The following ZKSCAN5 variants were observed in gnomAD, a reference collection of about 807,000 sequenced individuals.
ZKSCAN5 encodes zinc finger with KRAB and SCAN domains 5, also known as zinc finger protein with KRAB and SCAN domains 5.
ZKSCAN5 carries 28 observed loss-of-function variants against 60.0 expected under a neutral mutation model. The observed-to-expected ratio is 0.47, with a 90% confidence interval of 0.35 to 0.64. ZKSCAN5 has a LOEUF of 0.64. ZKSCAN5 is among the 30% of genes least tolerant of loss of function. ZKSCAN5 has a pLI of 0.01. For synonymous variants in ZKSCAN5, 361 were observed against 371.2 expected (o/e 0.97, Z 0.31); for missense variants, 881 against 1,034.6 (o/e 0.85, Z 2.04).
intron 3 of ZKSCAN5, among the ~76,000 whole-genome samples, chr7:99,514,592 C>T (rs973095241): frequency 4.0e-5 from 6 of 149,730 alleles, no homozygotes; most frequent in African/African-American, 1.2e-4. Flanking sequence ...GGCAATGTGG[C>T]GAAAACTCAC....
chr7:99,511,339 T>A (rs1190207361), intron 2 of ZKSCAN5, among the ~76,000 whole-genome samples: 3 of 152,162 alleles, frequency 2.0e-5, no homozygotes, highest in Non-Finnish European at 2.9e-5. Flanking sequence ...TGATGACCAT[T>A]CCAATCTCCC....
Position 99,506,117 on chromosome 7 carries a change from C to G in ZKSCAN5, c.73C>G (p.Leu25Val). ...TGAGACTTCCCAGGAGCAGGAAGAC[C>G]TTTTCATAGTGAAGGTGGAAGAAGA... is the stretch of plus-strand genomic sequence containing the variant. ...PAETSQEQEDLFIVKVEEEDC... is the reference protein window; with the variant it reads ...PAETSQEQEDVFIVKVEEEDC... The change falls in exon 2 of 7, where the codon CTT (leucine) becomes GTT (valine). Residue 25 changes from leucine (L) to valine (V), a missense_variant. This residue lies in a region of ZKSCAN5 where 88 missense variants were observed against 65.2 expected (regional missense o/e 1.35). Coordinates refer to ENST00000326775, the MANE Select transcript of ZKSCAN5 (RefSeq NM_145102.4). 6.2e-7 allele frequency: 1 copy of G among 1,614,146 alleles called. No homozygotes were observed. Among genetic ancestry groups the G allele is most frequent in the Non-Finnish European group, 8.5e-7 (1 of 1,180,024 alleles).
In ZKSCAN5 at chr7:99,532,174, C is replaced by G. The variant is rs756429028; in HGVS notation, c.2445C>G (p.Ser815Arg). 10 of 1,613,466 alleles carry G rather than the reference C, an allele frequency of 6.2e-6. No homozygotes were observed. In the Admixed American group the frequency reaches 1.2e-4, roughly 19 times the overall value. ...ECGMNFSWSC[S>R]LFKHLRSHER... is the part of the protein sequence containing the mutation. ...GAATGAATTTCAGCTGGAGTTGTAGCCTCTTTAAACACCTGAGAAGCCATG... is the reference window on the plus strand; with the variant it reads ...GAATGAATTTCAGCTGGAGTTGTAGGCTCTTTAAACACCTGAGAAGCCATG... Residue 815 changes from serine to arginine, a missense_variant, in exon 7 of 7, where the codon AGC becomes AGG. Transcript: ENST00000326775.
chr7:99,524,494 G>A (rs1338833680), intron 5 of ZKSCAN5, among the ~76,000 whole-genome samples: 1 of 152,188 alleles, frequency 6.6e-6, no homozygotes, highest in Non-Finnish European at 1.5e-5. Context: ...TTACAGGCAT[G>A]AGCCACTGTG....
At chr7:99,505,964 C>T (rs978566335) in intron 1 of ZKSCAN5, 41 bp from the exon 2 acceptor site, 12 of 1,509,114 alleles carry the variant, frequency 8.0e-6, no homozygotes, top group African/African-American at 7.0e-5. Context: ...CTGAAAGTGT[C>T]CTTCAGAAGA....
rs373547858 is a variant in ZKSCAN5 at position 99,528,323 on chromosome 7, G to A, written c.1378+1905G>A. The stretch of plus-strand genomic sequence containing the variant: ...GCGCTTTGGACTTGAAAAAGCAATC[G>A]CTTTAAAATAGTTATCTTTTGTTTT... On this transcript the variant is annotated intron_variant, in intron 6 of 6. Transcript: ENST00000326775. Among the ~76,000 whole-genome samples the A allele has an allele frequency of 5.9e-5, 9 of 151,976 alleles. No homozygotes were observed. In the East Asian group the frequency reaches 7.7e-4, roughly 13 times the overall value.
intron 6 of ZKSCAN5, 24 bp from the exon 7 acceptor site, chr7:99,531,084 T>C (rs1275540739): frequency 6.4e-7 from 1 of 1,554,420 alleles, no homozygotes; most frequent in African/African-American, 1.4e-5. Flanking sequence ...GATGACATTT[T>C]CACTTGCTCT....
At chr7:99,512,901 T>C (rs1289205413) in intron 3 of ZKSCAN5, among the ~76,000 whole-genome samples, 1 of 151,798 alleles carries the variant, frequency 6.6e-6, no homozygotes, top group Non-Finnish European at 1.5e-5. Flanking sequence ...TATGTATACA[T>C]GTGCCATGCT....
At chr7:99,521,596 T>A (rs569738640) in intron 5 of ZKSCAN5, among the ~76,000 whole-genome samples, 1 of 152,246 alleles carries the variant, frequency 6.6e-6, no homozygotes, top group Non-Finnish European at 1.5e-5. Context: ...TACAGCTGAC[T>A]CTGCTCTTTT....
intron 3 of ZKSCAN5, among the ~76,000 whole-genome samples, chr7:99,513,171 G>T (rs1801119401): frequency 6.6e-6 from 1 of 151,856 alleles, no homozygotes; most frequent in Non-Finnish European, 1.5e-5. Flanking sequence ...CATTTTTTAT[G>T]GCTGCACAGT....
At chr7:99,511,414 T>G (rs1801019526) in intron 2 of ZKSCAN5, among the ~76,000 whole-genome samples, 1 of 152,114 alleles carries the variant, frequency 6.6e-6, no homozygotes, top group Non-Finnish European at 1.5e-5. Flanking sequence ...CTAGACATCC[T>G]CTTTCTGCCT....
intron 2 of ZKSCAN5, among the ~76,000 whole-genome samples, chr7:99,507,169 C>T (rs1800774430): frequency 6.6e-6 from 1 of 152,144 alleles, no homozygotes; most frequent in South Asian, 2.1e-4. Context: ...ACGTCTCATA[C>T]TTTGGAAAAA....
Position 99,531,351 on chromosome 7 carries a change from A to G in ZKSCAN5, c.1622A>G (p.Lys541Arg), listed in dbSNP as rs1189667646. The change falls in exon 7 of 7, where the codon AAA (lysine) becomes AGA (arginine). Residue 541 changes from lysine (K) to arginine (R), a missense_variant. Lys to Arg is a conservative substitution (Grantham distance 26, BLOSUM62 2). Transcript: ENST00000326775. ...NYSEVPYVHK[K>R]SSTGERPHKC... ...AGTGAAGTCCCATATGTCCACAAAA[A>G]ATCCTCCACTGGAGAGAGACCACAT... is the stretch of plus-strand genomic sequence containing the variant. The G allele has an allele frequency of 3.7e-6, 6 of 1,614,058 alleles. No individual in the cohort carries two copies. The East Asian group carries it at 1.3e-4, about 36-fold the overall frequency.
chr7:99,512,705 T>C (rs543594871), intron 3 of ZKSCAN5, 114 bp downstream of exon 3: 1 of 1,381,604 alleles, frequency 7.2e-7, no homozygotes, highest in African/African-American at 1.5e-5. Flanking sequence ...CTCTACAGCC[T>C]GCAGGGTCTA....
intron 3 of ZKSCAN5, among the ~76,000 whole-genome samples, chr7:99,516,234 C>A (rs960762733): frequency 6.6e-6 from 1 of 152,200 alleles, no homozygotes; most frequent in Non-Finnish European, 1.5e-5. Flanking sequence ...TTCAGGGTTT[C>A]TCTCCATCTG....
chr7:99,525,296 A>G (rs1052535729), intron 5 of ZKSCAN5, among the ~76,000 whole-genome samples: 1 of 151,878 alleles, frequency 6.6e-6, no homozygotes, highest in Non-Finnish European at 1.5e-5. Flanking sequence ...ACATAATGAG[A>G]CCCTCATCTC....
At chr7:99,508,903 G>A (rs985041582) in intron 2 of ZKSCAN5, among the ~76,000 whole-genome samples, 3 of 149,732 alleles carry the variant, frequency 2.0e-5, no homozygotes, top group African/African-American at 7.4e-5. Flanking sequence ...CCACCTCCCA[G>A]GCTCAAGCAA....
At chr7:99,524,434 A>T (rs1370601412) in intron 5 of ZKSCAN5, among the ~76,000 whole-genome samples, 2 of 151,702 alleles carry the variant, frequency 1.3e-5, no homozygotes, top group Non-Finnish European at 2.9e-5. Context: ...CTGGTCTCGA[A>T]CTCCTGGCCT....
chr7:99,507,273 CT>C (rs1409460157), intron 2 of ZKSCAN5, among the ~76,000 whole-genome samples: 1 of 152,024 alleles, frequency 6.6e-6, no homozygotes, highest in Non-Finnish European at 1.5e-5. Flanking sequence ...ATCTCACTCT[CT>C]GAAATTGCAT....
Sources: allele counts gnomAD v4.1 joint callset (sites outside exome capture counted in the v4.1 genomes callset), GRCh38; gene constraint gnomAD v4.1.1; regional missense constraint gnomAD v4.1.1; transcripts MANE v1.5; gene names NCBI Gene and HGNC (gene_info 2026-07-23, HGNC 2026-07-21).